PCAT7: variants seen among roughly 807,000 people sequenced by gnomAD.
PCAT7 encodes the protein prostate cancer associated transcript 7.
In PCAT7 at chr9:94,565,112, G is replaced by A. The variant is rs191773578; in HGVS notation, n.441+5960G>A. Among the ~76,000 whole-genome samples, 6 of 152,036 alleles carry A rather than the reference G, an allele frequency of 3.9e-5. No homozygotes were observed. The South Asian group carries it at 8.3e-4, about 21-fold the overall frequency. On this transcript the variant is annotated intron_variant and non_coding_transcript_variant, in intron 2 of 8. Coordinates refer to ENST00000647389, the Ensembl canonical transcript of PCAT7. ...CAATGGGTCTGGCATGGTGGTTCACGCCTGTAATCCCAGCATTTTGGGAGG... is the reference window on the plus strand; with the variant it reads ...CAATGGGTCTGGCATGGTGGTTCACACCTGTAATCCCAGCATTTTGGGAGG...
intron 3 of PCAT7, among the ~76,000 whole-genome samples, chr9:94,573,459 A>G (rs1289177824): frequency 6.6e-6 from 1 of 151,982 alleles, no homozygotes; most frequent in Non-Finnish European, 1.5e-5. Flanking sequence ...GGGTCTTGCT[A>G]TGTTGCCCAG....
intron 2 of PCAT7, chr9:94,568,089 C>A (rs985342016): frequency 1.3e-5 from 2 of 148,752 alleles, no homozygotes; most frequent in East Asian, 3.9e-4. Context: ...GATCGCGCCA[C>A]TGCACTCCAG....
intron 2 of PCAT7, among the ~76,000 whole-genome samples, chr9:94,561,911 A>G (rs1421144797): frequency 1.3e-5 from 2 of 152,318 alleles, no homozygotes; most frequent in East Asian, 3.9e-4. Context: ...ATGTGATCCC[A>G]TGTGAGTATT....
At chr9:94,568,491 C>T (rs1314343824) in intron 2 of PCAT7, 1 of 152,154 alleles carries the variant, frequency 6.6e-6, no homozygotes, top group Admixed American at 6.5e-5. Flanking sequence ...GGAGGAAAAC[C>T]AGAGCCTGGA....
At chr9:94,558,439 C>A (rs568872838) in intron 1 of PCAT7, among the ~76,000 whole-genome samples, 3 of 152,066 alleles carry the variant, frequency 2.0e-5, no homozygotes, top group Admixed American at 6.6e-5. Context: ...GGACTACAGG[C>A]GCCCGCCACC....
intron 2 of PCAT7, chr9:94,569,756 A>G (rs1214868456): frequency 1.3e-5 from 2 of 152,224 alleles, no homozygotes; most frequent in Non-Finnish European, 2.9e-5. Context: ...AGCTTTACCC[A>G]CAATGGAGAG....
At position 94,565,895 on chromosome 9, in the gene PCAT7, A is replaced by G. The variant is rs531810433; in HGVS notation, n.441+6743A>G. On this transcript the variant is annotated intron_variant and non_coding_transcript_variant, in intron 2 of 8. Transcript: ENST00000647389. ...GCAAGGGCCTCTGAAGGTGTAGGAT[A>G]CAATTTGCCCTTGACTAATTACACC... is the stretch of plus-strand genomic sequence containing the variant. Among the ~76,000 whole-genome samples the G allele has an allele frequency of 7.9e-5, 12 of 152,278 alleles. No homozygotes were observed. In the East Asian group the frequency reaches 1.9e-3, roughly 25 times the overall value.
chr9:94,565,770 TGATA>T (rs34303194), intron 2 of PCAT7, among the ~76,000 whole-genome samples: 64,604 of 148,020 alleles, frequency 0.44, 15,483 homozygotes, highest in Admixed American at 0.55. Flanking sequence ...GATACATAGA[TGATA>T]GATAGATAGA....
intron 2 of PCAT7, chr9:94,568,510 C>G (rs1251757938): frequency 6.6e-6 from 1 of 152,144 alleles, no homozygotes; most frequent in African/African-American, 2.4e-5. Flanking sequence ...GAAACCAGAT[C>G]CATTTTGATG....
At chr9:94,559,611 G>A (rs1827064232) in intron 2 of PCAT7, among the ~76,000 whole-genome samples, 1 of 152,122 alleles carries the variant, frequency 6.6e-6, no homozygotes, top group South Asian at 2.1e-4. Context: ...ATTGTGTGGA[G>A]GAACTCCACA....
chr9:94,558,344 G>C (rs1827037924), intron 1 of PCAT7, among the ~76,000 whole-genome samples: 1 of 152,070 alleles, frequency 6.6e-6, no homozygotes, highest in East Asian at 1.9e-4. Flanking sequence ...ACCCAAGCTG[G>C]AGTGCAATGG....
intron 1 of PCAT7, chr9:94,555,365 A>T (rs1826992817): frequency 6.6e-6 from 1 of 151,882 alleles, no homozygotes; most frequent in South Asian, 2.1e-4. Context: ...GAGTGTGGTT[A>T]GTGCCAAAGG....
At position 94,561,617 on chromosome 9, in the gene PCAT7, G is replaced by T. The variant is rs563576576; in HGVS notation, n.441+2465G>T. ...TCTGACCTCGTGATCCACCCGCCTT[G>T]GCCTCCCAAAGTACTAGGATTACAG... On this transcript the variant is annotated intron_variant and non_coding_transcript_variant, in intron 2 of 8. Coordinates refer to ENST00000647389, the Ensembl canonical transcript of PCAT7. Among the ~76,000 whole-genome samples the T allele has an allele frequency of 9.2e-4, 140 of 152,096 alleles. 1 individual carries two copies. Among genetic ancestry groups the T allele is most frequent in the Non-Finnish European group, 1.7e-3 (116 of 67,984 alleles).
upstream of PCAT7, among the ~76,000 whole-genome samples, chr9:94,554,725 G>C (rs1826978694): frequency 6.6e-6 from 1 of 152,192 alleles, no homozygotes; most frequent in African/African-American, 2.4e-5. Flanking sequence ...CTCGCTGCTA[G>C]CCTCCCTCCT....
intron 2 of PCAT7, among the ~76,000 whole-genome samples, chr9:94,564,616 C>T (rs1483608595): frequency 6.6e-6 from 1 of 151,994 alleles, no homozygotes; most frequent in Non-Finnish European, 1.5e-5. Flanking sequence ...ATGATGAGAA[C>T]ACATGGACAC....
chr9:94,567,344 T>C, intron 2 of PCAT7: 1 of 1,614,192 alleles, frequency 6.2e-7, no homozygotes, highest in South Asian at 1.1e-5. Flanking sequence ...TCATTCAGGC[T>C]GTAAATCTTT....
At chr9:94,567,455 C>CAG (rs3990918) in intron 2 of PCAT7, 728,395 of 1,607,054 alleles carry the variant, frequency 0.45, 169,115 homozygotes, top group East Asian at 0.62. Context: ...AGCCAGGAAA[C>CAG]AAGCCAACCG....
chr9:94,564,239 C>A (rs942721317), intron 2 of PCAT7, among the ~76,000 whole-genome samples: 4 of 152,186 alleles, frequency 2.6e-5, no homozygotes, highest in African/African-American at 9.7e-5. Flanking sequence ...AGACGTAAAA[C>A]AATCCTCAGC....
chr9:94,561,686 A>G (rs1827106868), intron 2 of PCAT7, among the ~76,000 whole-genome samples: 1 of 151,838 alleles, frequency 6.6e-6, no homozygotes, highest in South Asian at 2.1e-4. Flanking sequence ...TTTCTCTGCA[A>G]TTAAATCTAC....
Sources: gnomAD v4.1 joint callset for allele counts (sites outside exome capture counted in the v4.1 genomes callset) on GRCh38, gnomAD v4.1.1 for gene constraint, MANE v1.5 for transcripts, NCBI Gene and HGNC (gene_info 2026-07-23, HGNC 2026-07-21) for gene names.